Variants in SLC45A4 observed in about 807,000 individuals in gnomAD.
The protein encoded by SLC45A4 is solute carrier family 45 member 4.
SLC45A4 carries 32 observed loss-of-function variants against 63.7 expected under a neutral mutation model. The ratio of observed to expected loss-of-function variants is 0.50; its 90% CI spans 0.38 to 0.67. The LOEUF (loss-of-function observed/expected upper bound fraction) is 0.67, where lower values mean the gene tolerates loss of function less well. Ranked by LOEUF, SLC45A4 falls within the 30% of genes least tolerant of loss-of-function variation. The pLI, the probability that SLC45A4 is intolerant of heterozygous loss-of-function variation, is 0.00. For missense variants in SLC45A4, 1,027 were observed against 1,157.7 expected (o/e 0.89, Z 1.64); for synonymous variants, 535 against 510.0 (o/e 1.05, Z -0.66).
At chr8:141,212,118 G>A (rs535946733) in intron 8 of SLC45A4, 79 bp downstream of exon 8, 32 of 1,434,234 alleles carry the variant, frequency 2.2e-5, no homozygotes, top group African/African-American at 5.8e-5. Context: ...CTCTGCTCCC[G>A]CCCATGGCCT....
In SLC45A4 at chr8:141,280,276, G is replaced by A. The variant is rs1294666381; in HGVS notation, c.-400-25647C>T. ...CACTGGCTCGTGAGGGCGGGACTGC[G>A]ACTCTGTCTCCTGGATCCCTGATGG... is the stretch of plus-strand genomic sequence containing the variant. On this transcript the variant is annotated intron_variant, in intron 1 of 8. Transcript: ENST00000517878. Among the ~76,000 whole-genome samples the A allele has an allele frequency of 2.6e-5, 4 of 152,290 alleles. No individual in the cohort carries two copies. The East Asian group carries it at 5.8e-4, about 22-fold the overall frequency.
rs1029236895 is a variant in SLC45A4, at chr8:141,215,919, T to A, written c.1781A>T (p.Tyr594Phe). 3.1e-6 allele frequency: 5 copies of A among 1,614,112 alleles called. No homozygotes were observed. The highest frequency in any genetic ancestry group is 4.2e-6 in the Non-Finnish European group (5 of 1,180,010). The change falls in exon 7 of 9, where the codon TAC (tyrosine) becomes TTC (phenylalanine). Residue 594 changes from tyrosine to phenylalanine, a missense_variant. By Grantham distance (22) the Tyr-to-Phe change is conservative. Coordinates refer to ENST00000517878, the MANE Select transcript of SLC45A4 (RefSeq NM_001286646.2). This position sits in a 1 kb window ranked among gnomAD's most constrained non-coding sequence, Gnocchi z 4.3. ...DNYDLSVRVI[Y>F]VLGTLGFSVG... ...AGAGAAGCCCAGCGTCCCCAGCACG[T>A]AGATCACCCTGACGCTCAGGTCGTA... is the stretch of plus-strand genomic sequence containing the variant.
At chr8:141,222,503 A>G (rs1419710800) in intron 2 of SLC45A4, among the ~76,000 whole-genome samples, 1 of 71,506 alleles carries the variant, frequency 1.4e-5, no homozygotes, top group African/African-American at 5.2e-5. Flanking sequence ...AGAGAGGTTA[A>G]GTAATCCACC....
At chr8:141,269,464 CTGTGTGTGTG>C (rs10573168) in intron 1 of SLC45A4, among the ~76,000 whole-genome samples, 19 of 147,184 alleles carry the variant, frequency 1.3e-4, no homozygotes, top group African/African-American at 4.3e-4. Context: ...GCCTATGTGT[CTGTGTGTGTG>C]TGTGTGTGTG....
intron 2 of SLC45A4, among the ~76,000 whole-genome samples, chr8:141,247,778 A>C (rs1828287159): frequency 1.3e-5 from 2 of 152,234 alleles, no homozygotes; most frequent in Admixed American, 1.3e-4. Flanking sequence ...TACAGAAATC[A>C]ATCAATCGTT....
At chr8:141,293,709 G>C (rs546439926) in intron 1 of SLC45A4, among the ~76,000 whole-genome samples, 2 of 152,228 alleles carry the variant, frequency 1.3e-5, no homozygotes, top group African/African-American at 4.8e-5. Flanking sequence ...GAGGCGGGCA[G>C]ATTGCCTGAG....
intron 1 of SLC45A4, among the ~76,000 whole-genome samples, chr8:141,306,440 A>T (rs1039307923): frequency 1.4e-4 from 6 of 43,746 alleles, no homozygotes; most frequent in African/African-American, 3.6e-4. Context: ...CGGAACCTGC[A>T]GGGCTGCCTC....
intron 2 of SLC45A4, among the ~76,000 whole-genome samples, chr8:141,240,035 A>G (rs1300517598): frequency 2.0e-5 from 3 of 152,258 alleles, no homozygotes; most frequent in African/African-American, 7.2e-5. Context: ...AACAAACCGT[A>G]TCCTAGGAAT....
chr8:141,305,128 C>T (rs141233185), intron 1 of SLC45A4, among the ~76,000 whole-genome samples: 8 of 152,210 alleles, frequency 5.3e-5, no homozygotes, highest in East Asian at 3.9e-4. Flanking sequence ...ATTTGATACT[C>T]GGGGGAAAAG....
chr8:141,239,328 T>C (rs981838461), intron 2 of SLC45A4, among the ~76,000 whole-genome samples: 1 of 152,222 alleles, frequency 6.6e-6, no homozygotes, highest in African/African-American at 2.4e-5. Flanking sequence ...ATAGGTTTAC[T>C]GAACCCCTTT....
At chr8:141,306,086 C>G (rs150504292) in intron 1 of SLC45A4, among the ~76,000 whole-genome samples, 1 of 151,932 alleles carries the variant, frequency 6.6e-6, no homozygotes, top group African/African-American at 2.4e-5. Context: ...TGGAGCTCAC[C>G]CAGTCCAATC....
In SLC45A4 at chr8:141,256,325, T is replaced by TG. The variant is rs1242699402; in HGVS notation, c.-400-1697dup. ...CACAGTTTATATTAAGGTAGGTCTATGGGCCAATACCTTACTGAGAATTTT... is the reference window on the plus strand; with the variant it reads ...CACAGTTTATATTAAGGTAGGTCTATGGGGCCAATACCTTACTGAGAATTTT... On this transcript the variant is annotated intron_variant, in intron 1 of 8. Coordinates refer to ENST00000517878, the MANE Select transcript of SLC45A4 (RefSeq NM_001286646.2). This position sits in a 1 kb window ranked among gnomAD's most constrained non-coding sequence, Gnocchi z 4.3. 3.6e-5 allele frequency: 12 copies of TG among 337,040 alleles called. No individual in the cohort carries two copies. The highest frequency in any genetic ancestry group is 2.8e-4 in the South Asian group (12 of 43,422). The allele number at this position is 337,040 out of a possible 1,614,324, so 20.9% of individuals were successfully genotyped here.
chr8:141,283,096 T>C (rs1830013021), intron 1 of SLC45A4, among the ~76,000 whole-genome samples: 1 of 152,242 alleles, frequency 6.6e-6, no homozygotes, highest in Non-Finnish European at 1.5e-5. Flanking sequence ...CTGGAATGTT[T>C]GTGATTTTAT....
At chr8:141,257,134 G>A (rs868773721) in intron 1 of SLC45A4, among the ~76,000 whole-genome samples, 18 of 152,266 alleles carry the variant, frequency 1.2e-4, no homozygotes, top group Middle Eastern at 3.4e-3. Context: ...TTACAAGCGT[G>A]GGGCACCACA....
chr8:141,301,724 G>C (rs1318511942), intron 1 of SLC45A4, among the ~76,000 whole-genome samples: 1 of 38,252 alleles, frequency 2.6e-5, no homozygotes, highest in Non-Finnish European at 6.1e-5. Context: ...GACAGAATGA[G>C]ACCCTATCTC....
rs143705120 is a variant in SLC45A4 at position 141,272,765 on chromosome 8, G to A, written c.-400-18136C>T. Among the ~76,000 whole-genome samples the A allele has an allele frequency of 3.2e-3, 483 of 152,124 alleles. 1 individual carries two copies. The highest frequency in any genetic ancestry group is 0.011 in the African/African-American group (457 of 41,476). On this transcript the variant is annotated intron_variant, in intron 1 of 8. Coordinates refer to ENST00000517878, the MANE Select transcript of SLC45A4 (RefSeq NM_001286646.2). ...CTCCTCGCCAGCGCTGCCTGGAGCC[G>A]AGTTCCAACAGGACCCCAAGCTCTC...
chr8:141,212,669 G>A (rs541887543), intron 7 of SLC45A4, 113 bp from the exon 8 acceptor site: 16 of 1,320,236 alleles, frequency 1.2e-5, no homozygotes, highest in African/African-American at 3.0e-5. Context: ...GTCTTCCACC[G>A]AGTCTCTTGG....
intron 2 of SLC45A4, chr8:141,252,254 G>A (rs1569558762): frequency 6.6e-6 from 1 of 152,260 alleles, no homozygotes; most frequent in East Asian, 1.9e-4. Flanking sequence ...TAGGGCCCAA[G>A]ACACTCCCAG....
intron 4 of SLC45A4, 69 bp from the exon 5 acceptor site, chr8:141,219,098 G>A: frequency 6.5e-7 from 1 of 1,539,732 alleles, no homozygotes; most frequent in Non-Finnish European, 8.8e-7. Context: ...CTCTGGGAGG[G>A]CCTCTCCCTC....
Sources: gnomAD v4.1 joint callset for allele counts (sites outside exome capture counted in the v4.1 genomes callset) on GRCh38, gnomAD v4.1.1 for gene constraint, Gnocchi (gnomAD v3.1) non-coding constraint, MANE v1.5 for transcripts, NCBI Gene and HGNC (gene_info 2026-07-23, HGNC 2026-07-21) for gene names.